Variants in ALOX5AP observed in about 807,000 individuals in gnomAD.
ALOX5AP encodes arachidonate 5-lipoxygenase-activating protein.
ALOX5AP carries 9 observed loss-of-function variants against 18.5 expected under a neutral mutation model. That is an observed-to-expected ratio of 0.49 (90% CI 0.29 to 0.85). The LOEUF (loss-of-function observed/expected upper bound fraction) is 0.85. Among genes scored for constraint, ALOX5AP ranks in the 40% least tolerant of loss-of-function variants. The probability of loss-of-function intolerance (pLI) is 0.08; values close to 1 mark genes in which losing one functional copy is unlikely to be tolerated. For synonymous variants in ALOX5AP, 81 were observed against 78.6 expected, an observed-to-expected ratio of 1.03 and a Z score of -0.16; for missense variants, 172 against 202.5, an observed-to-expected ratio of 0.85 and a Z score of 0.91.
chr13:30,738,879 T>A (rs920205147), intron 1 of ALOX5AP, among the ~76,000 whole-genome samples: 1 of 152,118 alleles, frequency 6.6e-6, no homozygotes, highest in Non-Finnish European at 1.5e-5. Context: ...TCATAAGGGT[T>A]TGTGAGCATA....
chr13:30,726,475 A>G (rs1384531168), intron 1 of ALOX5AP, among the ~76,000 whole-genome samples: 1 of 152,170 alleles, frequency 6.6e-6, no homozygotes, highest in African/African-American at 2.4e-5. Flanking sequence ...TATTTTATCT[A>G]TGTCCATCTA....
chr13:30,761,824 G>T (rs1460051389), intron 4 of ALOX5AP, among the ~76,000 whole-genome samples: 1 of 152,142 alleles, frequency 6.6e-6, no homozygotes, highest in Non-Finnish European at 1.5e-5. Flanking sequence ...ACTGGATGAG[G>T]ATCCACCCAT....
At chr13:30,723,824 T>G (rs562624601) in intron 1 of ALOX5AP, among the ~76,000 whole-genome samples, 9 of 152,336 alleles carry the variant, frequency 5.9e-5, no homozygotes, top group African/African-American at 2.2e-4. Flanking sequence ...GGCTTTGAAC[T>G]CCTGTGCTCA....
chr13:30,728,444 C>T (rs1951655375), intron 1 of ALOX5AP, among the ~76,000 whole-genome samples: 1 of 151,126 alleles, frequency 6.6e-6, no homozygotes, highest in South Asian at 2.1e-4. Flanking sequence ...TAATAAATCC[C>T]TTAAAAATGT....
exon 1 of ALOX5AP, chr13:30,713,746 T>G (rs765211759): frequency 9.0e-5 from 138 of 1,534,754 alleles, no homozygotes; most frequent in Non-Finnish European, 1.2e-4. Flanking sequence ...TTAATCACGA[T>G]GCTCCCTGGC....
chr13:30,734,072 C>A (rs1404803593), upstream of ALOX5AP, among the ~76,000 whole-genome samples: 1 of 152,116 alleles, frequency 6.6e-6, no homozygotes, highest in Admixed American at 6.5e-5. Flanking sequence ...GCATGTGAAC[C>A]AATTTCTATT....
intron 1 of ALOX5AP, among the ~76,000 whole-genome samples, chr13:30,738,414 C>A (rs1026109102): frequency 6.6e-6 from 1 of 152,186 alleles, no homozygotes; most frequent in Non-Finnish European, 1.5e-5. Flanking sequence ...GAGAATATAG[C>A]AAATGGGCTC....
chr13:30,739,841 A>T (rs9670278), intron 1 of ALOX5AP, among the ~76,000 whole-genome samples: 6,245 of 152,328 alleles, frequency 0.041, 419 homozygotes, highest in African/African-American at 0.14. Context: ...AAACCTAATC[A>T]TCTGACTTTA....
At chr13:30,736,436 G>A (rs1455915930) in intron 1 of ALOX5AP, among the ~76,000 whole-genome samples, 6 of 151,382 alleles carry the variant, frequency 4.0e-5, no homozygotes, top group Non-Finnish European at 8.8e-5. Flanking sequence ...AAAGTTCTGA[G>A]TTAGGGCTGC....
intron 1 of ALOX5AP, among the ~76,000 whole-genome samples, chr13:30,716,504 A>G (rs1329455474): frequency 1.3e-5 from 2 of 152,216 alleles, no homozygotes; most frequent in Non-Finnish European, 2.9e-5. Flanking sequence ...CATTATTTGT[A>G]TGAACATTAG....
chr13:30,761,133 A>G (rs562651360), intron 4 of ALOX5AP, among the ~76,000 whole-genome samples: 23 of 152,292 alleles, frequency 1.5e-4, no homozygotes, highest in Admixed American at 1.4e-3. Flanking sequence ...GCAGCTAATG[A>G]TGTGCCCGGC....
chr13:30,723,431 G>A lies in ALOX5AP; in HGVS notation c.116+9590G>A, dbSNP rs144860256. Among the ~76,000 whole-genome samples the A allele has an allele frequency of 6.9e-3, 1,055 of 152,286 alleles. 8 individuals are homozygous for A. Among genetic ancestry groups the A allele is most frequent in the Middle Eastern group, 0.037 (11 of 294 alleles). Reference sequence around the variant, plus strand: ...GTCACCTTACCTTAGAGTCACAGATGAATGGTCCTATTACTTAACTACTGA... The same window carrying A: ...GTCACCTTACCTTAGAGTCACAGATAAATGGTCCTATTACTTAACTACTGA... On this transcript the variant is annotated intron_variant, in intron 1 of 5. Coordinates refer to the ALOX5AP transcript ENST00000617770.
intron 1 of ALOX5AP, among the ~76,000 whole-genome samples, chr13:30,722,959 G>T (rs1951606052): frequency 6.6e-6 from 1 of 152,140 alleles, no homozygotes; most frequent in African/African-American, 2.4e-5. Flanking sequence ...TTGGTTCCAT[G>T]CTTCTTGTAC....
chr13:30,750,514 GAGAC>G (rs1481422302), intron 2 of ALOX5AP, among the ~76,000 whole-genome samples: 2 of 152,300 alleles, frequency 1.3e-5, no homozygotes, highest in African/African-American at 4.8e-5. Context: ...CATGGCTTTG[GAGAC>G]AGACTGATTA....
At chr13:30,757,131 C>T (rs913868536) in intron 4 of ALOX5AP, among the ~76,000 whole-genome samples, 2 of 152,210 alleles carry the variant, frequency 1.3e-5, no homozygotes, top group Non-Finnish European at 2.9e-5. Flanking sequence ...ACACCATTTT[C>T]CTTCCTTGTG....
At chr13:30,736,919 C>T (rs1024016314) in intron 1 of ALOX5AP, among the ~76,000 whole-genome samples, 19 of 152,214 alleles carry the variant, frequency 1.2e-4, no homozygotes, top group Non-Finnish European at 1.5e-5. Flanking sequence ...CATTATTCAA[C>T]CCGCATACAT....
chr13:30,734,038 C>G (rs1951702036), upstream of ALOX5AP, among the ~76,000 whole-genome samples: 1 of 152,194 alleles, frequency 6.6e-6, no homozygotes, highest in Non-Finnish European at 1.5e-5. Context: ...GATGGCAAAC[C>G]ATGAAACTTC....
chr13:30,757,329 C>T (rs1017816218), intron 4 of ALOX5AP, among the ~76,000 whole-genome samples: 11 of 152,132 alleles, frequency 7.2e-5, no homozygotes, highest in East Asian at 5.8e-4. Flanking sequence ...GACCGTGAGC[C>T]GGGCTGCAGC....
chr13:30,751,631 C>A (rs1332463224), intron 2 of ALOX5AP, among the ~76,000 whole-genome samples: 1 of 152,228 alleles, frequency 6.6e-6, no homozygotes, highest in Non-Finnish European at 1.5e-5. Flanking sequence ...CAGACCTGGG[C>A]TGATTTGTGG....
Sources: gnomAD v4.1 joint callset for allele counts (sites outside exome capture counted in the v4.1 genomes callset) on GRCh38, gnomAD v4.1.1 for gene constraint, MANE v1.5 for transcripts, NCBI Gene and HGNC (gene_info 2026-07-23, HGNC 2026-07-21) for gene names.